The following HTR7 variants were observed in gnomAD, a reference collection of about 807,000 sequenced individuals.
HTR7 encodes the protein 5-hydroxytryptamine receptor 7.
A neutral mutation model predicts 34.0 loss-of-function variants in HTR7; 16 were observed. The ratio of observed to expected loss-of-function variants is 0.47; its 90% CI spans 0.32 to 0.71. The LOEUF is 0.71. HTR7 is among the 30% of genes least tolerant of loss of function. The pLI, the probability that HTR7 is intolerant of heterozygous loss-of-function variation, is 0.04. For missense variants in HTR7, 504 were observed against 625.5 expected, an observed-to-expected ratio of 0.81 and a Z score of 2.07; for synonymous variants, 265 against 260.2, an observed-to-expected ratio of 1.02 and a Z score of -0.18.
At chr10:90,812,774 T>C (rs1275727604) in intron 1 of HTR7, among the ~76,000 whole-genome samples, 1 of 152,086 alleles carries the variant, frequency 6.6e-6, no homozygotes, top group Non-Finnish European at 1.5e-5. Flanking sequence ...AACACTATTT[T>C]GTTTTATTTT....
At chr10:90,765,524 A>AT (rs35382478) in intron 1 of HTR7, among the ~76,000 whole-genome samples, 35,912 of 143,626 alleles carry the variant, frequency 0.25, 4,601 homozygotes, top group African/African-American at 0.36. Context: ...AGTCTATTTC[A>AT]TTTTTTTTTT....
intron 1 of HTR7, among the ~76,000 whole-genome samples, chr10:90,811,505 C>G (rs1845808352): frequency 6.6e-6 from 1 of 152,110 alleles, no homozygotes; most frequent in African/African-American, 2.4e-5. Context: ...GGCAGTTCCA[C>G]CAGGCGTAAT....
intron 1 of HTR7, among the ~76,000 whole-genome samples, chr10:90,750,193 T>C (rs1404307068): frequency 6.6e-6 from 1 of 152,212 alleles, no homozygotes; most frequent in African/African-American, 2.4e-5. Context: ...ATTATTGTTA[T>C]TATTTTGCCC....
intron 2 of HTR7, among the ~76,000 whole-genome samples, chr10:90,747,413 T>C (rs1341021650): frequency 6.6e-6 from 1 of 152,066 alleles, no homozygotes; most frequent in Non-Finnish European, 1.5e-5. Flanking sequence ...TAAAATTACA[T>C]TTTTTAATGC....
intron 1 of HTR7, among the ~76,000 whole-genome samples, chr10:90,818,134 A>G (rs1564692509): frequency 6.6e-6 from 1 of 152,328 alleles, no homozygotes; most frequent in East Asian, 1.9e-4. Flanking sequence ...CTTAATCCCC[A>G]ACGCAACCAT....
At chr10:90,854,921 A>G (rs757537035) in intron 1 of HTR7, among the ~76,000 whole-genome samples, 3 of 152,176 alleles carry the variant, frequency 2.0e-5, no homozygotes, top group Non-Finnish European at 2.9e-5. Context: ...TTTTTTTTAC[A>G]TATTTTCACA....
chr10:90,807,429 A>G (rs993371239), intron 1 of HTR7, among the ~76,000 whole-genome samples: 1 of 152,104 alleles, frequency 6.6e-6, no homozygotes, highest in Non-Finnish European at 1.5e-5. Context: ...TTCCACCACA[A>G]AAGAAGTGAA....
chr10:90,774,030 C>A (rs1288083883), intron 1 of HTR7, among the ~76,000 whole-genome samples: 1 of 152,008 alleles, frequency 6.6e-6, no homozygotes, highest in Non-Finnish European at 1.5e-5. Context: ...ATCCTCTGTT[C>A]AGTTAGGTCC....
At chr10:90,817,615 T>C (rs1845917064) in intron 1 of HTR7, among the ~76,000 whole-genome samples, 1 of 152,162 alleles carries the variant, frequency 6.6e-6, no homozygotes, top group South Asian at 2.1e-4. Context: ...AACACTAAAC[T>C]TCCTGAGAAC....
At chr10:90,852,248 G>C (rs1482249213) in intron 1 of HTR7, among the ~76,000 whole-genome samples, 1 of 150,108 alleles carries the variant, frequency 6.7e-6, no homozygotes, top group Non-Finnish European at 1.5e-5. Context: ...ATGCTAATAG[G>C]CATCTAACTG....
chr10:90,775,626 G>A (rs1180275225), intron 1 of HTR7, among the ~76,000 whole-genome samples: 1 of 152,234 alleles, frequency 6.6e-6, no homozygotes, highest in Non-Finnish European at 1.5e-5. Context: ...AAGCCCTGGA[G>A]GGTTGAGCAG....
chr10:90,852,211 A>T (rs1846511860), intron 1 of HTR7, among the ~76,000 whole-genome samples: 1 of 152,058 alleles, frequency 6.6e-6, no homozygotes, highest in Non-Finnish European at 1.5e-5. Context: ...GTAAAAAAAA[A>T]AAAGTTTTTA....
intron 1 of HTR7, among the ~76,000 whole-genome samples, chr10:90,816,188 A>G (rs962838402): frequency 1.8e-4 from 27 of 152,334 alleles, no homozygotes; most frequent in Admixed American, 1.6e-3. Context: ...CCTGACTGAT[A>G]AAGAGCTGCT....
chr10:90,775,266 G>A (rs1196042524), intron 1 of HTR7, among the ~76,000 whole-genome samples: 1 of 152,172 alleles, frequency 6.6e-6, no homozygotes, highest in Non-Finnish European at 1.5e-5. Flanking sequence ...TAAAGGCAAG[G>A]AAACAAATCA....
In HTR7 at chr10:90,857,937, C is replaced by G. The variant is rs1379334218; in HGVS notation, c.-266G>C. On this transcript the variant is annotated 5_prime_UTR_variant, in exon 1 of 4. Transcript: ENST00000336152. This position sits in a 1 kb window ranked among gnomAD's most constrained non-coding sequence, Gnocchi z 6.5. ...GACGGACGCCTGGGACGCGCGGAGT[C>G]GAGGGAGCTCGGGCTGGGCTCCGCT... Among the ~76,000 whole-genome samples, 49 of 151,292 alleles carry G rather than the reference C, an allele frequency of 3.2e-4. No individual in the cohort carries two copies. The highest frequency in any genetic ancestry group is 3.2e-3 in the Admixed American group (49 of 15,192).
At chr10:90,810,382 A>T (rs1294172841) in intron 1 of HTR7, among the ~76,000 whole-genome samples, 1 of 152,036 alleles carries the variant, frequency 6.6e-6, no homozygotes, top group Non-Finnish European at 1.5e-5. Flanking sequence ...TCTCATTAAA[A>T]TCTAATCACC....
intron 1 of HTR7, among the ~76,000 whole-genome samples, chr10:90,777,186 A>C (rs1323539947): frequency 6.6e-6 from 1 of 152,162 alleles, no homozygotes; most frequent in Middle Eastern, 3.2e-3. Flanking sequence ...CTGTGGCCTT[A>C]AGATGCCTCC....
intron 1 of HTR7, among the ~76,000 whole-genome samples, chr10:90,810,792 G>A (rs71479059): frequency 0.28 from 41,891 of 151,944 alleles, 6,308 homozygotes; most frequent in African/African-American, 0.4. Context: ...CTGCCGCAAG[G>A]CTTAACAGAC....
At chr10:90,747,722 G>C (rs182686016) in intron 2 of HTR7, among the ~76,000 whole-genome samples, 17 of 152,292 alleles carry the variant, frequency 1.1e-4, no homozygotes, top group Middle Eastern at 6.8e-3. Flanking sequence ...CTCTCTGCTA[G>C]AGTGGTCCCT....
Sources: gnomAD v4.1 joint callset for allele counts (sites outside exome capture counted in the v4.1 genomes callset) on GRCh38, gnomAD v4.1.1 for gene constraint, Gnocchi (gnomAD v3.1) non-coding constraint, MANE v1.5 for transcripts, NCBI Gene and HGNC (gene_info 2026-07-23, HGNC 2026-07-21) for gene names.